Variants in ZNF471 observed in about 807,000 individuals in gnomAD.
ZNF471 encodes the protein EZFIT-related protein 1.
ZNF471 carries 7 observed loss-of-function variants against 13.7 expected under a neutral mutation model. The observed-to-expected ratio is 0.51, with a 90% CI of 0.29 to 0.96. The LOEUF is 0.96. Ranked by LOEUF, ZNF471 falls within the 40% of genes least tolerant of loss-of-function variation. The pLI is 0.08. For synonymous variants in ZNF471, 218 were observed against 235.6 expected, an observed-to-expected ratio of 0.93 and a Z score of 0.68; for missense variants, 663 against 743.3, an observed-to-expected ratio of 0.89 and a Z score of 1.26.
In ZNF471 at chr19:56,525,251, G is replaced by T. The variant is rs1324422803; in HGVS notation, c.1184G>T (p.Arg395Ile). Residue 395 changes from arginine (R) to isoleucine (I), a missense_variant, in exon 5 of 5, where the codon AGA (arginine) becomes ATA (isoleucine). Physicochemically the swap from Arg to Ile is moderately conservative, Grantham distance 97. Transcript: ENST00000308031. ...CACATAGGACTTATTCTGCATAGGA[G>T]AATTCATACAGGAGAGAAACCTTAC... ...SVHIGLILHR[R>I]IHTGEKPYKC... is the part of the protein sequence containing the mutation. 1.2e-6 allele frequency: 2 copies of T among 1,611,760 alleles called. No individual in the cohort carries two copies. The highest frequency in any genetic ancestry group is 1.1e-5 in the South Asian group (1 of 90,828).
chr19:56,516,503 G>A lies in ZNF471; in HGVS notation c.160+102G>A, dbSNP rs1454586793. 1.8e-6 allele frequency: 2 copies of A among 1,106,204 alleles called. No individual in the cohort carries two copies. Among genetic ancestry groups the A allele is most frequent in the African/African-American group, 1.6e-5 (1 of 62,534 alleles). 68.5% of individuals were successfully genotyped at this position (1,106,204 alleles called of 1,614,324 possible). On this transcript the variant is annotated intron_variant, in intron 3 of 4. Coordinates refer to ENST00000308031, the MANE Select transcript of ZNF471 (RefSeq NM_020813.4). The surrounding 1 kb of genome is among the most constrained non-coding windows in gnomAD (Gnocchi z 4.4). ...TATATGTAGGTCAGAATGGAATTTG[G>A]GAATGGAATCTGAGAAACAGAGGAT...
In ZNF471 at chr19:56,525,815, G is replaced by A; in HGVS notation, c.1748G>A (p.Ser583Asn). Residue 583 changes from serine (S) to asparagine (N), a missense_variant, in exon 5 of 5, where the codon AGC becomes AAC. Physicochemically the swap from Ser to Asn is conservative, Grantham distance 46 (BLOSUM62 1). Coordinates refer to ENST00000308031, the MANE Select transcript of ZNF471 (RefSeq NM_020813.4). Reference protein sequence around the residue: ...CTECGKAFSDSSSCAQHQRLH... With the variant: ...CTECGKAFSDNSSCAQHQRLH... ...GAATGTGGAAAGGCTTTTAGTGATAGCTCATCCTGTGCTCAGCATCAAAGA... is the reference window on the plus strand; with the variant it reads ...GAATGTGGAAAGGCTTTTAGTGATAACTCATCCTGTGCTCAGCATCAAAGA... 2 of 1,614,146 alleles carry A rather than the reference G, an allele frequency of 1.2e-6. No individual in the cohort carries two copies. Among genetic ancestry groups the A allele is most frequent in the Non-Finnish European group, 1.7e-6 (2 of 1,180,018 alleles).
chr19:56,520,052 AAGGAGGGATGACTATACCCACACATC>A (rs1210803283), intron 4 of ZNF471, among the ~76,000 whole-genome samples: 3 of 152,182 alleles, frequency 2.0e-5, no homozygotes, highest in Non-Finnish European at 4.4e-5. Context: ...CACTGTGGAT[AAGGAGGGATGACTATACCCACACATC>A]AGAAGGGAAA....
chr19:56,520,035 A>G lies in ZNF471; in HGVS notation c.256+1458A>G, dbSNP rs575521618. Among the ~76,000 whole-genome samples, 18 of 152,296 alleles carry G rather than the reference A, an allele frequency of 1.2e-4. No individual in the cohort carries two copies. In the East Asian group the frequency reaches 3.5e-3, roughly 29 times the overall value. On this transcript the variant is annotated intron_variant, in intron 4 of 4. Coordinates refer to ENST00000308031, the MANE Select transcript of ZNF471 (RefSeq NM_020813.4). ...TTTCTGGCGTCCACTGGGTCTTGAA[A>G]TGTGTCCACTGTGGATAAGGAGGGA...
In ZNF471 at chr19:56,525,280, TGTG is replaced by T. The variant is rs750372651; in HGVS notation, c.1217_1219del (p.Gly406del). Reference sequence around the variant, plus strand: ...TCATACAGGAGAGAAACCTTACAAATGTGGTGTGTGTGGAAAAACCTTCAGCTC... The same window carrying T: ...TCATACAGGAGAGAAACCTTACAAATGTGTGTGTGGAAAAACCTTCAGCTC... On this transcript the variant is annotated inframe_deletion, in exon 5 of 5. Transcript: ENST00000308031. The T allele has an allele frequency of 8.7e-6, 14 of 1,611,734 alleles. No individual in the cohort carries two copies. Among genetic ancestry groups the T allele is most frequent in the Admixed American group, 5.0e-5 (3 of 59,900 alleles).
chr19:56,528,354 G>C lies in ZNF471; in HGVS notation c.*2406G>C, dbSNP rs1229891662. On this transcript the variant is annotated 3_prime_UTR_variant, in exon 5 of 5. Coordinates refer to ENST00000308031, the MANE Select transcript of ZNF471 (RefSeq NM_020813.4). ...AATTGATGTAAATTATTTTTAAACA[G>C]TGCATTCTTGAAAGCAGTATGGCAG... 4.6e-5 allele frequency: 7 copies of C among 152,172 alleles called. No individual in the cohort carries two copies. The allele number at this position is 152,172 out of a possible 1,614,324, so 9.4% of individuals were successfully genotyped here. A position where few individuals can be genotyped will look rare whatever the true frequency, so the allele number is the denominator to read the frequency against.
intron 4 of ZNF471, among the ~76,000 whole-genome samples, chr19:56,521,549 G>A (rs2043970950): frequency 7.0e-6 from 1 of 142,604 alleles, no homozygotes. Context: ...TGAGGCAGGA[G>A]AATGGCATGA....
In ZNF471 at chr19:56,508,177, CTGTG is replaced by C; in HGVS notation, c.-56+261_-56+264del. On this transcript the variant is annotated intron_variant, in intron 1 of 4. Coordinates refer to ENST00000308031, the MANE Select transcript of ZNF471 (RefSeq NM_020813.4). This position sits in a 1 kb window ranked among gnomAD's most constrained non-coding sequence, Gnocchi z 4.7. Reference sequence around the variant, plus strand: ...AGCTGTGGGAGAGATGGGGGTGTGCCTGTGTGTAAAAGATCTGTCAGAGTGTGAG... The same window carrying C: ...AGCTGTGGGAGAGATGGGGGTGTGCCTGTAAAAGATCTGTCAGAGTGTGAG... 2.0e-6 allele frequency: 2 copies of C among 984,758 alleles called. No individual in the cohort carries two copies. The highest frequency in any genetic ancestry group is 2.4e-6 in the Non-Finnish European group (2 of 829,760). 61.0% of individuals were successfully genotyped at this position (984,758 alleles called of 1,614,324 possible).
chr19:56,508,026 G>A lies in ZNF471; in HGVS notation c.-56+106G>A. 1 of 985,654 alleles carries A rather than the reference G, an allele frequency of 1.0e-6. No homozygotes were observed. The highest frequency in any genetic ancestry group is 1.2e-6 in the Non-Finnish European group (1 of 830,056). The allele number at this position is 985,654 out of a possible 1,614,324, so 61.1% of individuals were successfully genotyped here. On this transcript the variant is annotated intron_variant, in intron 1 of 4. Transcript: ENST00000308031. This position sits in a 1 kb window ranked among gnomAD's most constrained non-coding sequence, Gnocchi z 4.7. Reference sequence around the variant, plus strand: ...TCGCGAAGGCCCAGCCGCGTCCTCTGTCCCCAGGACGACTACATTTCCCAG... The same window carrying A: ...TCGCGAAGGCCCAGCCGCGTCCTCTATCCCCAGGACGACTACATTTCCCAG...
chr19:56,509,644 C>G (rs2043782235), intron 1 of ZNF471: 1 of 93,186 alleles, frequency 1.1e-5, no homozygotes, highest in African/African-American at 4.3e-5. Context: ...AGAGGTCACC[C>G]ACCTGGTATT....
At chr19:56,518,598 G>A (rs2043926160) in intron 4 of ZNF471, 21 bp downstream of exon 4, 1 of 1,600,824 alleles carries the variant, frequency 6.2e-7, no homozygotes, top group African/African-American at 1.3e-5. Flanking sequence ...AAGAACCAGA[G>A]AGGGGAATCT....
Position 56,529,242 on chromosome 19 carries a change from A to C in ZNF471, c.*3294A>C, listed in dbSNP as rs2044081990. On this transcript the variant is annotated 3_prime_UTR_variant, in exon 5 of 5. Transcript: ENST00000308031. ...CGTATCCATGGGTTTTTTATATTTG[A>C]AAAGTGTTTTCGATGTATCATTGGG... is the stretch of plus-strand genomic sequence containing the variant. 1 of 152,226 alleles carries C rather than the reference A, an allele frequency of 6.6e-6. No homozygotes were observed. The highest frequency in any genetic ancestry group is 2.4e-5 in the African/African-American group (1 of 41,462). The allele number at this position is 152,226 out of a possible 1,614,324, so 9.4% of individuals were successfully genotyped here.
intron 2 of ZNF471, among the ~76,000 whole-genome samples, chr19:56,512,281 T>A (rs1198105841): frequency 1.3e-5 from 2 of 150,742 alleles, no homozygotes; most frequent in South Asian, 4.2e-4. Context: ...CCTTCAAAGT[T>A]AATGATTTTT....
chr19:56,525,944 C>G lies in ZNF471; in HGVS notation c.1877C>G (p.Pro626Arg). ...CAAAGAAGTCATACTGGAGAAGAAC[C>G]TTAAGAATGTAGTGCATGTGGCCAA... ...CHQRSHTGEE[P>R] Residue 626 changes from proline to arginine, a missense_variant, in exon 5 of 5, where the codon CCT (proline) becomes CGT (arginine). Transcript: ENST00000308031. 6.4e-7 allele frequency: 1 copy of G among 1,552,104 alleles called. No homozygotes were observed. Among genetic ancestry groups the G allele is most frequent in the Non-Finnish European group, 8.7e-7 (1 of 1,153,288 alleles).
Position 56,508,875 on chromosome 19 carries a change from G to A in ZNF471, c.-56+955G>A, listed in dbSNP as rs570037603. Among the ~76,000 whole-genome samples, 1 of 152,252 alleles carries A rather than the reference G, an allele frequency of 6.6e-6. No homozygotes were observed. The highest frequency in any genetic ancestry group is 2.4e-5 in the African/African-American group (1 of 41,550). On this transcript the variant is annotated intron_variant, in intron 1 of 4. Transcript: ENST00000308031. This position sits in a 1 kb window ranked among gnomAD's most constrained non-coding sequence, Gnocchi z 4.7. ...GTGTGTGAAAGACCAGTCATTATGT[G>A]AGGCTCCTTGAGAGGCTGGTGTGTG...
At chr19:56,511,029 G>T (rs1015097623) in intron 1 of ZNF471, 29 of 985,266 alleles carry the variant, frequency 2.9e-5, no homozygotes, top group Non-Finnish European at 3.5e-5. Context: ...GGTGGGGATT[G>T]AGTGAAGAAG....
In ZNF471 at chr19:56,510,378, A is replaced by C. The variant is rs1189932084; in HGVS notation, c.-55-1139A>C. On this transcript the variant is annotated intron_variant, in intron 1 of 4. Transcript: ENST00000308031. The surrounding 1 kb of genome is among the most constrained non-coding windows in gnomAD (Gnocchi z 4.3). ...TGAGAGACCAAAATGGGTGAGAAAGAAACTATGTGAACCATGGTGTGTTAT... is the reference window on the plus strand; with the variant it reads ...TGAGAGACCAAAATGGGTGAGAAAGCAACTATGTGAACCATGGTGTGTTAT... The C allele has an allele frequency of 1.0e-6, 1 of 985,418 alleles. No homozygotes were observed. The allele number at this position is 985,418 out of a possible 1,614,324, so 61.0% of individuals were successfully genotyped here.
At position 56,508,479 on chromosome 19, in the gene ZNF471, C is replaced by T. The variant is rs1160840270; in HGVS notation, c.-56+559C>T. 6.6e-6 allele frequency among the ~76,000 whole-genome samples: 1 copy of T among 151,148 alleles called. No homozygotes were observed. The highest frequency in any genetic ancestry group is 1.5e-5 in the Non-Finnish European group (1 of 67,798). The stretch of plus-strand genomic sequence containing the variant: ...GATGTATTCGTGTGAGAGAGTGAGA[C>T]GGGCTGGATGGAGTGTGAGAGACCA... On this transcript the variant is annotated intron_variant, in intron 1 of 4. Transcript: ENST00000308031. This position sits in a 1 kb window ranked among gnomAD's most constrained non-coding sequence, Gnocchi z 4.7.
In ZNF471 at chr19:56,508,382, C is replaced by T. The variant is rs1236903593; in HGVS notation, c.-56+462C>T. On this transcript the variant is annotated intron_variant, in intron 1 of 4. Transcript: ENST00000308031. This position sits in a 1 kb window ranked among gnomAD's most constrained non-coding sequence, Gnocchi z 4.7. ...TGCATTTGAAAGAGAGCGTGTGAAGCTCAGTGAGAGGTTGCGAGGTGTGTG... is the reference window on the plus strand; with the variant it reads ...TGCATTTGAAAGAGAGCGTGTGAAGTTCAGTGAGAGGTTGCGAGGTGTGTG... 6.6e-6 allele frequency among the ~76,000 whole-genome samples: 1 copy of T among 150,592 alleles called. No homozygotes were observed. The highest frequency in any genetic ancestry group is 1.5e-5 in the Non-Finnish European group (1 of 67,716).
Sources: allele counts gnomAD v4.1 joint callset (sites outside exome capture counted in the v4.1 genomes callset), GRCh38; gene constraint gnomAD v4.1.1; non-coding constraint Gnocchi (gnomAD v3.1); transcripts MANE v1.5; gene names NCBI Gene and HGNC (gene_info 2026-07-23, HGNC 2026-07-21).